Variants in PDGFD observed in about 807,000 individuals in gnomAD.
The protein encoded by PDGFD is platelet derived growth factor D.
PDGFD carries 30 observed loss-of-function variants against 44.7 expected under a neutral mutation model. That is an observed-to-expected ratio of 0.67 (90% CI 0.50 to 0.91). The LOEUF is 0.91. PDGFD is among the 40% of genes least tolerant of loss of function. PDGFD has a pLI of 0.00. For missense variants in PDGFD, 445 were observed against 457.8 expected (o/e 0.97, Z 0.25); for synonymous variants, 173 against 168.4 (o/e 1.03, Z -0.21).
chr11:103,999,004 G>A (rs1049680370), intron 2 of PDGFD, among the ~76,000 whole-genome samples: 1 of 151,472 alleles, frequency 6.6e-6, no homozygotes, highest in East Asian at 1.9e-4. Context: ...TTTTTGAGAT[G>A]GAAAAGACGC....
At chr11:104,021,420 C>G (rs927230942) in intron 1 of PDGFD, among the ~76,000 whole-genome samples, 1 of 152,156 alleles carries the variant, frequency 6.6e-6, no homozygotes, top group East Asian at 1.9e-4. Context: ...ATTTTCCTGC[C>G]CCATTGATAC....
intron 1 of PDGFD, among the ~76,000 whole-genome samples, chr11:104,115,562 A>G (rs2134455948): frequency 6.6e-6 from 1 of 151,708 alleles, no homozygotes; most frequent in Non-Finnish European, 1.5e-5. Context: ...CAGTAGTGGG[A>G]TTGCTGGATC....
At chr11:104,001,426 C>T (rs1859618275) in intron 1 of PDGFD, among the ~76,000 whole-genome samples, 1 of 152,200 alleles carries the variant, frequency 6.6e-6, no homozygotes, top group African/African-American at 2.4e-5. Flanking sequence ...TTTCTGATTT[C>T]TGTGAGTTGT....
At chr11:103,929,900 G>C (rs773449263) in intron 5 of PDGFD, among the ~76,000 whole-genome samples, 17 of 152,232 alleles carry the variant, frequency 1.1e-4, no homozygotes, top group Non-Finnish European at 1.9e-4. Context: ...ACTTCTGGGA[G>C]GGAGACAGGC....
intron 1 of PDGFD, chr11:104,036,775 G>T: frequency 6.7e-7 from 1 of 1,500,934 alleles, no homozygotes; most frequent in Non-Finnish European, 9.2e-7. Context: ...CAGCCCGCCA[G>T]TGAGCCGCCC....
intron 1 of PDGFD, chr11:104,037,510 G>A (rs761287113): frequency 5.0e-6 from 8 of 1,614,002 alleles, no homozygotes; most frequent in East Asian, 2.2e-5. Context: ...CATGAATATA[G>A]CGATAGAAGA....
chr11:104,153,856 A>T (rs940303650), intron 1 of PDGFD, among the ~76,000 whole-genome samples: 7 of 152,138 alleles, frequency 4.6e-5, no homozygotes, highest in African/African-American at 1.2e-4. Flanking sequence ...AATTGACACT[A>T]GATAAAGATC....
At position 103,909,456 on chromosome 11, in the gene PDGFD, A is replaced by G. The variant is rs952715642; in HGVS notation, c.*238T>C. On this transcript the variant is annotated 3_prime_UTR_variant, in exon 7 of 7. Coordinates refer to ENST00000393158, the MANE Select transcript of PDGFD (RefSeq NM_025208.5). ...TATATTTCTGTGTGTGTTTGTGCAT[A>G]TATAACCTCAAACACTATTATTAAA... The G allele has an allele frequency of 4.2e-6, 2 of 476,414 alleles. No homozygotes were observed. The highest frequency in any genetic ancestry group is 3.9e-5 in the African/African-American group (2 of 51,666). The allele number at this position is 476,414 out of a possible 1,614,324, so 29.5% of individuals were successfully genotyped here. A position where few individuals can be genotyped will look rare whatever the true frequency, so the allele number is the denominator to read the frequency against.
intron 1 of PDGFD, among the ~76,000 whole-genome samples, chr11:104,041,307 T>C (rs1264498204): frequency 3.3e-5 from 5 of 152,042 alleles, no homozygotes. Context: ...ATTAATAATA[T>C]GTTGGTACAA....
chr11:104,073,155 A>T (rs1860905269), intron 1 of PDGFD, among the ~76,000 whole-genome samples: 2 of 152,058 alleles, frequency 1.3e-5, no homozygotes, highest in African/African-American at 4.8e-5. Flanking sequence ...CAAAATTAGC[A>T]TAAAAAAAGA....
At chr11:104,096,300 A>G (rs1026736448) in intron 1 of PDGFD, among the ~76,000 whole-genome samples, 2 of 152,188 alleles carry the variant, frequency 1.3e-5, no homozygotes, top group Admixed American at 1.3e-4. Flanking sequence ...ATGGCTAACA[A>G]TTATTTAGGT....
At chr11:103,974,876 A>G (rs1001152402) in intron 3 of PDGFD, among the ~76,000 whole-genome samples, 3 of 152,144 alleles carry the variant, frequency 2.0e-5, no homozygotes, top group Non-Finnish European at 4.4e-5. Flanking sequence ...TTGCCACATT[A>G]TCTTTATCCA....
At chr11:104,096,595 C>A (rs1861291980) in intron 1 of PDGFD, among the ~76,000 whole-genome samples, 1 of 152,134 alleles carries the variant, frequency 6.6e-6, no homozygotes, top group Non-Finnish European at 1.5e-5. Context: ...TTCTTTCATT[C>A]ATTATGTAGT....
chr11:103,941,006 T>A lies in PDGFD; in HGVS notation c.772+2446A>T, dbSNP rs141750915. On this transcript the variant is annotated intron_variant, in intron 5 of 6. Transcript: ENST00000393158. Reference sequence around the variant, plus strand: ...AAATAGGCTAACACTGGATTAGTAATATATTCCATCCCACAAACATTAATT... The same window carrying A: ...AAATAGGCTAACACTGGATTAGTAAAATATTCCATCCCACAAACATTAATT... 8.9e-4 allele frequency among the ~76,000 whole-genome samples: 135 copies of A among 152,262 alleles called. 1 individual carries two copies. Among genetic ancestry groups the A allele is most frequent in the African/African-American group, 3.2e-3 (132 of 41,568 alleles).
Position 103,908,387 on chromosome 11 carries a change from G to A in PDGFD, c.*1307C>T, listed in dbSNP as rs1392590437. 6.6e-6 allele frequency: 1 copy of A among 152,214 alleles called. No homozygotes were observed. Among genetic ancestry groups the A allele is most frequent in the East Asian group, 1.9e-4 (1 of 5,204 alleles). 9.4% of individuals were successfully genotyped at this position (152,214 alleles called of 1,614,324 possible). ...ACAGTAGGACAGCAGGGCCAAACTT[G>A]TGTTACCACAATTGACAACTGGCTT... On this transcript the variant is annotated 3_prime_UTR_variant, in exon 7 of 7. Coordinates refer to ENST00000393158, the MANE Select transcript of PDGFD (RefSeq NM_025208.5).
chr11:103,913,314 G>C (rs1218665040), intron 6 of PDGFD, among the ~76,000 whole-genome samples: 1 of 152,162 alleles, frequency 6.6e-6, no homozygotes, highest in Admixed American at 6.5e-5. Flanking sequence ...TCAGACTACA[G>C]TGCAATCTAT....
chr11:104,036,816 C>T (rs1259217430), intron 1 of PDGFD: 1 of 1,609,426 alleles, frequency 6.2e-7, no homozygotes, highest in Non-Finnish European at 8.5e-7. Context: ...CCGCCCGGGC[C>T]CCCGCCATGC....
At chr11:104,143,950 T>G (rs1386739651) in intron 1 of PDGFD, among the ~76,000 whole-genome samples, 1 of 152,094 alleles carries the variant, frequency 6.6e-6, no homozygotes, top group Non-Finnish European at 1.5e-5. Context: ...CTTTTAGACA[T>G]TAAAGAAAGC....
At position 104,139,604 on chromosome 11, in the gene PDGFD, T is replaced by C. The variant is rs186632524; in HGVS notation, c.124+24200A>G. On this transcript the variant is annotated intron_variant, in intron 1 of 6. Coordinates refer to ENST00000393158, the MANE Select transcript of PDGFD (RefSeq NM_025208.5). ...TAGATGCAGGGTAACCCAGTGATTT[T>C]TTACTTTAAACAACAAAGACTTTAC... is the stretch of plus-strand genomic sequence containing the variant. Among the ~76,000 whole-genome samples the C allele has an allele frequency of 9.2e-5, 14 of 152,248 alleles. No homozygotes were observed. In the East Asian group the frequency reaches 2.3e-3, roughly 25 times the overall value.
Sources: allele counts gnomAD v4.1 joint callset (sites outside exome capture counted in the v4.1 genomes callset), GRCh38; gene constraint gnomAD v4.1.1; transcripts MANE v1.5; gene names NCBI Gene and HGNC (gene_info 2026-07-23, HGNC 2026-07-21).